The following SAMD3 variants were observed in gnomAD, a reference collection of about 807,000 sequenced individuals.
SAMD3 encodes sterile alpha motif domain containing 3.
A neutral mutation model predicts 58.5 loss-of-function variants in SAMD3; 63 were observed. The observed-to-expected ratio is 1.08, with a 90% CI of 0.88 to 1.33. The LOEUF is 1.33. Among genes scored for constraint, SAMD3 ranks in the 40% most tolerant of loss-of-function variants. The probability of loss-of-function intolerance (pLI) is 0.00; values close to 1 mark genes in which losing one functional copy is unlikely to be tolerated. For missense variants in SAMD3, 604 were observed against 608.4 expected, an observed-to-expected ratio of 0.99 and a Z score of 0.08; for synonymous variants, 220 against 210.3, an observed-to-expected ratio of 1.05 and a Z score of -0.40.
chr6:130,340,452 T>G (rs956945316), intron 1 of SAMD3, among the ~76,000 whole-genome samples: 2 of 152,218 alleles, frequency 1.3e-5, no homozygotes, highest in South Asian at 2.1e-4. Flanking sequence ...ACTTGGATAA[T>G]CCAGGATAAT....
chr6:130,255,294 G>A (rs1301111356), intron 2 of SAMD3, among the ~76,000 whole-genome samples: 1 of 152,174 alleles, frequency 6.6e-6, no homozygotes. Context: ...GTAATGTTCT[G>A]CAACATCAGT....
chr6:130,182,243 G>GTT (rs201955453), intron 7 of SAMD3, among the ~76,000 whole-genome samples: 1 of 132,960 alleles, frequency 7.5e-6, no homozygotes, highest in African/African-American at 2.9e-5. Context: ...TTGTTGCCTT[G>GTT]TTTTTTTTCC....
At chr6:130,311,983 C>A (rs944686801) in intron 2 of SAMD3, among the ~76,000 whole-genome samples, 5 of 152,092 alleles carry the variant, frequency 3.3e-5, no homozygotes, top group African/African-American at 1.2e-4. Context: ...TGCTTCTCCC[C>A]CGCCCCCACT....
intron 1 of SAMD3, chr6:130,221,486 G>T (rs1796223900): frequency 6.6e-6 from 1 of 152,082 alleles, no homozygotes; most frequent in Non-Finnish European, 1.5e-5. Flanking sequence ...GCCTACTATT[G>T]ATCAGAATCT....
chr6:130,308,694 C>G (rs1216179100), intron 2 of SAMD3, among the ~76,000 whole-genome samples: 3 of 151,866 alleles, frequency 2.0e-5, no homozygotes, highest in Non-Finnish European at 4.4e-5. Context: ...ATGAATTGAC[C>G]CCAATATAGA....
chr6:130,340,523 A>T (rs1583129696), intron 1 of SAMD3, among the ~76,000 whole-genome samples: 1 of 152,182 alleles, frequency 6.6e-6, no homozygotes, highest in Non-Finnish European at 1.5e-5. Flanking sequence ...GTAATTCCCC[A>T]TTGCTATACA....
chr6:130,212,961 CA>C (rs1795693586), intron 4 of SAMD3, among the ~76,000 whole-genome samples: 1 of 152,004 alleles, frequency 6.6e-6, no homozygotes, highest in South Asian at 2.1e-4. Flanking sequence ...ATAGATATGC[CA>C]AAACAATGTT....
chr6:130,184,618 T>C lies in SAMD3; in HGVS notation c.389A>G (p.Asn130Ser), dbSNP rs1792753083. The C allele has an allele frequency of 6.2e-7, 1 of 1,602,472 alleles. No individual in the cohort carries two copies. Among genetic ancestry groups the C allele is most frequent in the Non-Finnish European group, 8.5e-7 (1 of 1,173,092 alleles). ...GCTTCTTGCTAGAATTTGTTTCACA[T>C]TTCTTCTGTGAAATAAAAACACACA... ...IDQRVLKQRR[N>S]VKQILARSKA... is the part of the protein sequence containing the mutation. The change falls in exon 6 of 12, where the codon AAT becomes AGT. Residue 130 changes from asparagine to serine, a missense_variant. Coordinates refer to ENST00000439090, the MANE Select transcript of SAMD3 (RefSeq NM_001017373.4).
intron 2 of SAMD3, among the ~76,000 whole-genome samples, chr6:130,245,278 T>C (rs1290424038): frequency 6.6e-6 from 1 of 152,250 alleles, no homozygotes; most frequent in Non-Finnish European, 1.5e-5. Context: ...TCTAGAAGAT[T>C]GTAGAAGGAC....
chr6:130,182,014 G>A (rs1221227407), intron 7 of SAMD3, among the ~76,000 whole-genome samples: 5 of 148,522 alleles, frequency 3.4e-5, no homozygotes, highest in East Asian at 2.0e-4. Flanking sequence ...GCAGTGAGTC[G>A]AGATCGTGCC....
chr6:130,293,514 T>A (rs1775453314), intron 2 of SAMD3, among the ~76,000 whole-genome samples: 1 of 151,848 alleles, frequency 6.6e-6, no homozygotes, highest in African/African-American at 2.4e-5. Context: ...GATTACCACC[T>A]TTTTGTGACC....
intron 5 of SAMD3, among the ~76,000 whole-genome samples, chr6:130,189,069 C>T (rs1793276041): frequency 7.4e-6 from 1 of 135,568 alleles, no homozygotes; most frequent in East Asian, 2.4e-4. Context: ...TCATACTCAA[C>T]AAATCCAAAA....
chr6:130,365,352 C>T (rs527432601), exon 1 of SAMD3: 104 of 985,538 alleles, frequency 1.1e-4, no homozygotes, highest in Non-Finnish European at 1.2e-4. Context: ...TTCTCGCCCC[C>T]CCAAGCCGTT....
At chr6:130,213,618 G>A (rs1795766460) in intron 4 of SAMD3, among the ~76,000 whole-genome samples, 1 of 152,114 alleles carries the variant, frequency 6.6e-6, no homozygotes, top group South Asian at 2.1e-4. Context: ...AAATCAGAAT[G>A]GCTGAAATGA....
intron 2 of SAMD3, among the ~76,000 whole-genome samples, chr6:130,240,680 A>G (rs1006238577): frequency 1.3e-5 from 2 of 152,122 alleles, no homozygotes; most frequent in Non-Finnish European, 2.9e-5. Context: ...GAATGAATTA[A>G]TGCTGTTATT....
intron 7 of SAMD3, 110 bp downstream of exon 7, chr6:130,183,993 A>G: frequency 2.5e-6 from 2 of 794,760 alleles, no homozygotes; most frequent in South Asian, 2.9e-5. Context: ...TGAGAGAGAG[A>G]GAGAGAGACA....
intron 5 of SAMD3, among the ~76,000 whole-genome samples, chr6:130,203,334 G>T (rs1240086344): frequency 1.3e-5 from 2 of 152,250 alleles, no homozygotes; most frequent in Admixed American, 6.5e-5. Context: ...ACCTAGTAAG[G>T]TTATATAACT....
At chr6:130,272,618 T>G (rs950673939) in intron 2 of SAMD3, among the ~76,000 whole-genome samples, 12 of 152,216 alleles carry the variant, frequency 7.9e-5, no homozygotes, top group Admixed American at 2.6e-4. Flanking sequence ...ATATTATTGT[T>G]CTTTGTGGAA....
At chr6:130,270,922 A>T (rs1006336236) in intron 2 of SAMD3, among the ~76,000 whole-genome samples, 6 of 152,176 alleles carry the variant, frequency 3.9e-5, no homozygotes, top group Admixed American at 6.5e-5. Context: ...AGTTCAAAGG[A>T]TGTGCACATT....
Sources: gnomAD v4.1 joint callset for allele counts (sites outside exome capture counted in the v4.1 genomes callset) on GRCh38, gnomAD v4.1.1 for gene constraint, MANE v1.5 for transcripts, NCBI Gene and HGNC (gene_info 2026-07-23, HGNC 2026-07-21) for gene names.